ADCY9: variants seen among roughly 807,000 people sequenced by gnomAD.
ADCY9 encodes adenylate cyclase 9, also known as adenylate cyclase type 9.
Under a neutral mutation model 101.5 loss-of-function variants are expected in ADCY9, and 50 were observed. That is an observed-to-expected ratio of 0.49 (90% CI 0.39 to 0.62). ADCY9 has a LOEUF of 0.62. Among genes scored for constraint, ADCY9 ranks in the 20% least tolerant of loss-of-function variants. The pLI is 0.00. For synonymous variants in ADCY9, 905 were observed against 769.3 expected (o/e 1.18, Z -2.92); for missense variants, 1,662 against 1,800.4 (o/e 0.92, Z 1.39).
intron 2 of ADCY9, among the ~76,000 whole-genome samples, chr16:4,066,159 G>C (rs1437614372): frequency 6.6e-6 from 1 of 152,178 alleles, no homozygotes; most frequent in Non-Finnish European, 1.5e-5. Context: ...CAATGGGGAC[G>C]TTCCATCTAC....
chr16:4,018,402 G>A (rs1387437602), intron 2 of ADCY9, among the ~76,000 whole-genome samples: 1 of 151,970 alleles, frequency 6.6e-6, no homozygotes, highest in Non-Finnish European at 1.5e-5. Context: ...TAGTACAGTT[G>A]GGGTTTCACC....
chr16:4,045,869 C>CTTTTTTTTTT, intron 2 of ADCY9, among the ~76,000 whole-genome samples: 1 of 78,888 alleles, frequency 1.3e-5, no homozygotes, highest in Non-Finnish European at 2.6e-5. Flanking sequence ...TTTTTTCTTT[C>CTTTTTTTTTT]TTTTTTTTTT....
In ADCY9 at chr16:4,058,810, C is replaced by G. The variant is rs543678391; in HGVS notation, c.1694-51252G>C. On this transcript the variant is annotated intron_variant, in intron 2 of 10. Transcript: ENST00000294016. ...TTCTGTCCTTGCCAGGAAAGGGCTC[C>G]TCATCTCCTGATTGCTAATTAACTT... is the stretch of plus-strand genomic sequence containing the variant. 3.9e-5 allele frequency among the ~76,000 whole-genome samples: 6 copies of G among 152,224 alleles called. 1 individual carries two copies. In the East Asian group the frequency reaches 9.7e-4, roughly 25 times the overall value.
At chr16:4,017,095 T>A (rs1458453711) in intron 2 of ADCY9, among the ~76,000 whole-genome samples, 1 of 140,102 alleles carries the variant, frequency 7.1e-6, no homozygotes, top group Non-Finnish European at 1.6e-5. Context: ...GCCCAGGAAA[T>A]GAAGGCTGCA....
intron 2 of ADCY9, among the ~76,000 whole-genome samples, chr16:4,096,193 T>C (rs1327956095): frequency 6.6e-6 from 1 of 152,172 alleles, no homozygotes; most frequent in Non-Finnish European, 1.5e-5. Flanking sequence ...TTCCCTATGC[T>C]AAATGTGTCT....
chr16:4,102,495 A>G (rs1383441137), intron 2 of ADCY9, among the ~76,000 whole-genome samples: 1 of 152,128 alleles, frequency 6.6e-6, no homozygotes, highest in Non-Finnish European at 1.5e-5. Context: ...GCATGATCTC[A>G]GCTCACCGCA....
chr16:4,113,082 A>C (rs1470621812), intron 2 of ADCY9, among the ~76,000 whole-genome samples: 1 of 152,122 alleles, frequency 6.6e-6, no homozygotes, highest in African/African-American at 2.4e-5. Context: ...GGAGAAGCTC[A>C]ATATGAAGCT....
At chr16:4,038,236 G>A (rs1281465814) in intron 2 of ADCY9, among the ~76,000 whole-genome samples, 2 of 150,678 alleles carry the variant, frequency 1.3e-5, no homozygotes, top group Non-Finnish European at 2.9e-5. Context: ...AGCCGTGATT[G>A]CACCCCTGCA....
At chr16:3,972,624 T>C (rs911898550) in intron 10 of ADCY9, among the ~76,000 whole-genome samples, 1 of 152,188 alleles carries the variant, frequency 6.6e-6, no homozygotes, top group African/African-American at 2.4e-5. Context: ...TCCGTTATCA[T>C]GGAGAAGAGG....
rs113151667 is a variant in ADCY9 at position 4,024,442 on chromosome 16, G to A, written c.1694-16884C>T. Among the ~76,000 whole-genome samples, 521 of 152,246 alleles carry A rather than the reference G, an allele frequency of 3.4e-3. 7 individuals carry two copies. The highest frequency in any genetic ancestry group is 0.012 in the African/African-American group (500 of 41,546). On this transcript the variant is annotated intron_variant, in intron 2 of 10. Transcript: ENST00000294016. ...TCCTAACGTGAATGTCTTATTGTACGACGTCAAGCACAGCTTGATAATCAA... is the reference window on the plus strand; with the variant it reads ...TCCTAACGTGAATGTCTTATTGTACAACGTCAAGCACAGCTTGATAATCAA...
At chr16:4,049,207 G>A (rs905092279) in intron 2 of ADCY9, among the ~76,000 whole-genome samples, 4 of 152,198 alleles carry the variant, frequency 2.6e-5, no homozygotes, top group South Asian at 2.1e-4. Context: ...AAACGGCCAC[G>A]CACAGCGTGG....
Position 4,004,352 on chromosome 16 carries a change from A to T in ADCY9, c.1884+3016T>A, listed in dbSNP as rs111945780. Among the ~76,000 whole-genome samples, 1,510 of 152,100 alleles carry T rather than the reference A, an allele frequency of 9.9e-3. 24 individuals are homozygous for T. The highest frequency in any genetic ancestry group is 0.035 in the African/African-American group (1,453 of 41,470). ...CAAAGCCCTGGCCTTTGACATCACTATCATTTCCTGGTAGGTCGTTACAGT... is the reference window on the plus strand; with the variant it reads ...CAAAGCCCTGGCCTTTGACATCACTTTCATTTCCTGGTAGGTCGTTACAGT... On this transcript the variant is annotated intron_variant, in intron 3 of 10. Transcript: ENST00000294016.
intron 2 of ADCY9, among the ~76,000 whole-genome samples, chr16:4,059,399 A>G (rs945995609): frequency 6.6e-6 from 1 of 151,494 alleles, no homozygotes; most frequent in African/African-American, 2.4e-5. Flanking sequence ...AAAAAAGAAA[A>G]AAAAAGAAAG....
chr16:4,025,168 G>T (rs1188874565), intron 2 of ADCY9, among the ~76,000 whole-genome samples: 1 of 152,082 alleles, frequency 6.6e-6, no homozygotes, highest in East Asian at 1.9e-4. Flanking sequence ...TTTGAGACCA[G>T]CCTGGCTAAC....
intron 2 of ADCY9, among the ~76,000 whole-genome samples, chr16:4,034,947 G>A (rs772258239): frequency 1.3e-5 from 2 of 152,186 alleles, no homozygotes; most frequent in Non-Finnish European, 2.9e-5. Flanking sequence ...GAAATGTGTT[G>A]ATTTGTTCCA....
At chr16:4,090,612 C>A (rs1258756259) in intron 2 of ADCY9, among the ~76,000 whole-genome samples, 1 of 152,004 alleles carries the variant, frequency 6.6e-6, no homozygotes, top group Admixed American at 6.6e-5. Context: ...AGGGCTCACT[C>A]GACCCCACGG....
At chr16:3,999,644 G>A (rs2056316198) in intron 3 of ADCY9, among the ~76,000 whole-genome samples, 1 of 152,232 alleles carries the variant, frequency 6.6e-6, no homozygotes, top group South Asian at 2.1e-4. Context: ...AGCACGCCTG[G>A]CGGGCCAGGG....
At chr16:3,970,630 A>G (rs984723317) in intron 10 of ADCY9, among the ~76,000 whole-genome samples, 3 of 152,202 alleles carry the variant, frequency 2.0e-5, no homozygotes, top group Admixed American at 6.5e-5. Flanking sequence ...GCCCGGCCAA[A>G]AGCTCAGTCC....
intron 2 of ADCY9, among the ~76,000 whole-genome samples, chr16:4,106,723 G>A (rs971972994): frequency 6.6e-6 from 1 of 152,222 alleles, no homozygotes; most frequent in East Asian, 1.9e-4. Flanking sequence ...GCCCACGCAG[G>A]CTTCTGCACA....
Sources: gnomAD v4.1 joint callset for allele counts (sites outside exome capture counted in the v4.1 genomes callset) on GRCh38, gnomAD v4.1.1 for gene constraint, MANE v1.5 for transcripts, NCBI Gene and HGNC (gene_info 2026-07-23, HGNC 2026-07-21) for gene names.